Variants in IQGAP1 observed in about 807,000 individuals in gnomAD.
IQGAP1 encodes the protein ras GTPase-activating-like protein IQGAP1.
IQGAP1 carries 66 observed loss-of-function variants against 215.6 expected under a neutral mutation model. The ratio of observed to expected loss-of-function variants is 0.31; its 90% CI spans 0.25 to 0.38. The LOEUF is 0.38. Ranked by LOEUF, IQGAP1 falls within the 10% of genes least tolerant of loss-of-function variation. IQGAP1 has a pLI of 1.00. For missense variants in IQGAP1, 1,712 were observed against 1,997.1 expected (o/e 0.86, Z 2.72); for synonymous variants, 772 against 728.7 (o/e 1.06, Z -0.96).
intron 2 of IQGAP1, among the ~76,000 whole-genome samples, chr15:90,410,835 A>G (rs1190280312): frequency 8.6e-6 from 1 of 115,810 alleles, no homozygotes; most frequent in Non-Finnish European, 1.7e-5. Context: ...CTAGAACTTA[A>G]AGTATAATAA....
Position 90,500,913 on chromosome 15 carries a change from C to G in IQGAP1, c.*805C>G, listed in dbSNP as rs1966332714. Reference sequence around the variant, plus strand: ...TTCAGAGAGACAATTCACTCCATCCCTATGGCAGAGGAATGGGTTAGCCCT... The same window carrying G: ...TTCAGAGAGACAATTCACTCCATCCGTATGGCAGAGGAATGGGTTAGCCCT... On this transcript the variant is annotated 3_prime_UTR_variant, in exon 38 of 38. Coordinates refer to ENST00000268182, the MANE Select transcript of IQGAP1 (RefSeq NM_003870.4). 1 of 152,586 alleles carries G rather than the reference C, an allele frequency of 6.6e-6. No homozygotes were observed. Among genetic ancestry groups the G allele is most frequent in the Non-Finnish European group, 1.5e-5 (1 of 68,036 alleles). 9.5% of individuals were successfully genotyped at this position (152,586 alleles called of 1,614,324 possible). A position where few individuals can be genotyped will look rare whatever the true frequency, so the allele number is the denominator to read the frequency against.
At chr15:90,458,753 TG>T (rs1477516372) in intron 15 of IQGAP1, among the ~76,000 whole-genome samples, 2 of 152,218 alleles carry the variant, frequency 1.3e-5, no homozygotes. Flanking sequence ...TAAAATCAGT[TG>T]ATCTCAATTT....
chr15:90,465,906 A>C (rs1044470698), intron 15 of IQGAP1, 95 bp from the exon 16 acceptor site: 18 of 927,208 alleles, frequency 1.9e-5, no homozygotes, highest in Admixed American at 3.6e-5. Flanking sequence ...CTGTTCTTCC[A>C]TATTTAATTG....
chr15:90,426,316 T>C, intron 3 of IQGAP1, 50 bp downstream of exon 3: 1 of 1,557,090 alleles, frequency 6.4e-7, no homozygotes, highest in Non-Finnish European at 8.6e-7. Flanking sequence ...TTGAGAAAGT[T>C]AGCATGTTTT....
chr15:90,412,714 T>A (rs1438868248), intron 2 of IQGAP1, among the ~76,000 whole-genome samples: 4 of 152,226 alleles, frequency 2.6e-5, no homozygotes. Context: ...GTTAGTGGTT[T>A]AGTAGAATCC....
At chr15:90,401,919 G>C (rs1330886294) in intron 2 of IQGAP1, among the ~76,000 whole-genome samples, 1 of 152,090 alleles carries the variant, frequency 6.6e-6, no homozygotes, top group Admixed American at 6.5e-5. Flanking sequence ...TTTAAAGAGG[G>C]AAAAAAATAG....
Position 90,491,467 on chromosome 15 carries a change from A to G in IQGAP1, c.4383A>G (p.Thr1461=), listed in dbSNP as rs375087357. Residue 1461 remains threonine (T), a synonymous_variant, in exon 34 of 38, where the codon ACA becomes ACG. Coordinates refer to ENST00000268182, the MANE Select transcript of IQGAP1 (RefSeq NM_003870.4). ...AAGAGAAGAAAGAGAAGATCCAGACAGGTTTAAAGAAGCTAACAGAGCTTG... is the reference window on the plus strand; with the variant it reads ...AAGAGAAGAAAGAGAAGATCCAGACGGGTTTAAAGAAGCTAACAGAGCTTG... ...TLQEKKEKIQ[T]GLKKLTELGT... 3 of 1,614,098 alleles carry G rather than the reference A, an allele frequency of 1.9e-6. No homozygotes were observed. Among genetic ancestry groups the G allele is most frequent in the South Asian group, 1.1e-5 (1 of 91,084 alleles).
rs1035310898 is a variant in IQGAP1 at position 90,483,516 on chromosome 15, C to T, written c.3711C>T (p.Ser1237=). The T allele has an allele frequency of 2.5e-6, 4 of 1,614,060 alleles. No individual in the cohort carries two copies. The highest frequency in any genetic ancestry group is 2.7e-5 in the African/African-American group (2 of 74,930). Residue 1237 remains serine (S), a synonymous_variant, in exon 29 of 38, where the codon TCC becomes TCT. Coordinates refer to ENST00000268182, the MANE Select transcript of IQGAP1 (RefSeq NM_003870.4). ...SIAKMLQHAA[S]NKMFLGDNAH... ...CAAAAATGCTTCAGCATGCTGCTTCCAATAAGATGTTTCTGGGAGATAATG... is the reference window on the plus strand; with the variant it reads ...CAAAAATGCTTCAGCATGCTGCTTCTAATAAGATGTTTCTGGGAGATAATG...
chr15:90,466,426 A>G lies in IQGAP1; in HGVS notation c.2025A>G (p.Lys675=). ...ATCTTGCTGAAGCCAAGAAGAAAAA[A>G]CTGGCAGTAGGTGAGTTCTGGGATA... ...HSDLAEAKKK[K]LAVGDNNSKW... is the part of the protein sequence containing the mutation. The change falls in exon 17 of 38, where the codon AAA becomes AAG. Residue 675 remains lysine (K), a synonymous_variant. Coordinates refer to ENST00000268182, the MANE Select transcript of IQGAP1 (RefSeq NM_003870.4). The G allele has an allele frequency of 1.9e-6, 3 of 1,614,070 alleles. No individual in the cohort carries two copies. The highest frequency in any genetic ancestry group is 1.1e-5 in the South Asian group (1 of 91,076).
intron 2 of IQGAP1, among the ~76,000 whole-genome samples, chr15:90,394,128 T>A (rs1964678030): frequency 1.2e-5 from 1 of 86,124 alleles, no homozygotes. Flanking sequence ...AGAGTAAAAC[T>A]CTGTCTCAAA....
In IQGAP1 at chr15:90,390,867, C is replaced by G; in HGVS notation, c.149C>G (p.Ala50Gly). Residue 50 changes from alanine (A) to glycine (G), a missense_variant, in exon 2 of 38, where the codon GCG becomes GGG. This residue lies in a region of IQGAP1 where 1,021 missense variants were observed against 1,074.2 expected (regional missense o/e 0.95). Coordinates refer to ENST00000268182, the MANE Select transcript of IQGAP1 (RefSeq NM_003870.4). The part of the protein sequence containing the change: ...AYEYLCHLEE[A>G]KRWMEACLGE... ...GAGTACCTTTGTCATTTGGAAGAAG[C>G]GAAGAGGTAAAGATTGGCTGGCTGG... 1.3e-6 allele frequency: 2 copies of G among 1,594,362 alleles called. No homozygotes were observed. The highest frequency in any genetic ancestry group is 1.7e-6 in the Non-Finnish European group (2 of 1,162,162).
chr15:90,388,289 C>G lies in IQGAP1; in HGVS notation c.-53C>G. 1.9e-6 allele frequency: 3 copies of G among 1,587,978 alleles called. No homozygotes were observed. Among genetic ancestry groups the G allele is most frequent in the East Asian group, 2.3e-5 (1 of 42,992 alleles). ...TGGCAGGAGCTGTAGCTACCGCCGT[C>G]CGCGCCTCCAAGGTTTCACGGCTTC... On this transcript the variant is annotated 5_prime_UTR_variant, in exon 1 of 38. Transcript: ENST00000268182.
rs1255502543 is a variant in IQGAP1, at chr15:90,476,731, A to G, written c.2853A>G (p.Ile951Met). ...NKEQLSDMMM[I>M]NKQKGGLKAL... is the part of the protein sequence containing the mutation. Reference sequence around the variant, plus strand: ...AACAGTTGTCTGATATGATGATGATAAATAAACAGAAGGGAGGTCTCAAGG... The same window carrying G: ...AACAGTTGTCTGATATGATGATGATGAATAAACAGAAGGGAGGTCTCAAGG... The change falls in exon 24 of 38, where the codon ATA becomes ATG. Residue 951 changes from isoleucine (I) to methionine (M), a missense_variant. Transcript: ENST00000268182. 6.2e-7 allele frequency: 1 copy of G among 1,607,246 alleles called. No homozygotes were observed. Among genetic ancestry groups the G allele is most frequent in the Non-Finnish European group, 8.5e-7 (1 of 1,178,280 alleles).
chr15:90,401,178 C>G (rs1964799291), intron 2 of IQGAP1, among the ~76,000 whole-genome samples: 1 of 151,962 alleles, frequency 6.6e-6, no homozygotes, highest in African/African-American at 2.4e-5. Flanking sequence ...CTTAATTTTT[C>G]TCCTGAAGTC....
At chr15:90,493,136 G>C (rs757345910) in intron 35 of IQGAP1, among the ~76,000 whole-genome samples, 1 of 152,036 alleles carries the variant, frequency 6.6e-6, no homozygotes, top group Non-Finnish European at 1.5e-5. Flanking sequence ...CCAGCTACTT[G>C]GGAGGCTGAG....
At chr15:90,482,548 C>T (rs1665572589) in intron 28 of IQGAP1, among the ~76,000 whole-genome samples, 1 of 152,144 alleles carries the variant, frequency 6.6e-6, no homozygotes, top group African/African-American at 2.4e-5. Flanking sequence ...TATCTTTTCG[C>T]TGTAGTATTG....
intron 2 of IQGAP1, among the ~76,000 whole-genome samples, chr15:90,413,276 A>G (rs1041207377): frequency 5.9e-5 from 9 of 152,262 alleles, no homozygotes; most frequent in South Asian, 4.1e-4. Flanking sequence ...AGAGCCTACT[A>G]CTAGTTGCTG....
chr15:90,477,603 G>A, intron 25 of IQGAP1, 62 bp from the exon 26 acceptor site: 3 of 1,173,738 alleles, frequency 2.6e-6, no homozygotes, highest in Admixed American at 3.4e-5. Context: ...CTTTAAGCAG[G>A]AAGGATCTTT....
rs1596297768 is a variant in IQGAP1, at chr15:90,500,035, A to G, written c.4901A>G (p.Lys1634Arg). 1 of 1,612,704 alleles carries G rather than the reference A, an allele frequency of 6.2e-7. No individual in the cohort carries two copies. The highest frequency in any genetic ancestry group is 2.2e-5 in the East Asian group (1 of 44,876). Residue 1634 changes from lysine to arginine, a missense_variant, in exon 38 of 38, where the codon AAA becomes AGA. By Grantham distance (26) the Lys-to-Arg change is conservative. Coordinates refer to ENST00000268182, the MANE Select transcript of IQGAP1 (RefSeq NM_003870.4). ...QLQYEGVAVMKLFDRAKVNVN... is the reference protein window; with the variant it reads ...QLQYEGVAVMRLFDRAKVNVN... ...CAGTATGAAGGAGTTGCAGTCATGA[A>G]ATTATTTGATAGAGCTAAAGTAAAT... is the stretch of plus-strand genomic sequence containing the variant.
Sources: gnomAD v4.1 joint callset for allele counts (sites outside exome capture counted in the v4.1 genomes callset) on GRCh38, gnomAD v4.1.1 for gene constraint, gnomAD v4.1.1 regional missense constraint, MANE v1.5 for transcripts, NCBI Gene and HGNC (gene_info 2026-07-23, HGNC 2026-07-21) for gene names.